The following MTA3 variants were observed in gnomAD, a reference collection of about 807,000 sequenced individuals.
MTA3 encodes metastasis associated 1 family member 3.
A neutral mutation model predicts 83.5 loss-of-function variants in MTA3; 34 were observed. That is an observed-to-expected ratio of 0.41 (90% CI 0.31 to 0.54). MTA3 has a LOEUF of 0.54. Ranked by LOEUF, MTA3 falls within the 20% of genes least tolerant of loss-of-function variation. The pLI, the probability that MTA3 is intolerant of heterozygous loss-of-function variation, is 0.33. For missense variants in MTA3, 761 were observed against 726.4 expected (o/e 1.05, Z -0.55); for synonymous variants, 303 against 252.7 (o/e 1.20, Z -1.89).
At chr2:42,750,388 G>A (rs116793170) in intron 16 of MTA3, among the ~76,000 whole-genome samples, 1 of 141,250 alleles carries the variant, frequency 7.1e-6, no homozygotes, top group Non-Finnish European at 1.5e-5. Context: ...TCTAACACCT[G>A]CTGTTAGAGG....
intron 8 of MTA3, among the ~76,000 whole-genome samples, chr2:42,663,484 A>G (rs556305466): frequency 6.6e-6 from 1 of 152,334 alleles, no homozygotes; most frequent in Middle Eastern, 3.4e-3. Flanking sequence ...TTTATGGCCA[A>G]GTACACTGGC....
At chr2:42,577,105 A>AAAAAAAAAAAAAATATATATATATAT (rs1211189566) in intron 2 of MTA3, among the ~76,000 whole-genome samples, 1 of 86,952 alleles carries the variant, frequency 1.2e-5, no homozygotes, top group African/African-American at 5.5e-5. Flanking sequence ...AAAAAAAAAA[A>AAAAAAAAAAAAAATATATATATATAT]ATATATATAT....
chr2:42,502,326 A>C (rs1489860486), intron 2 of MTA3, among the ~76,000 whole-genome samples: 1 of 152,206 alleles, frequency 6.6e-6, no homozygotes, highest in Non-Finnish European at 1.5e-5. Flanking sequence ...AAAGAATGGC[A>C]GTCTGAGTTC....
chr2:42,705,055 A>G (rs1665945723), intron 12 of MTA3, among the ~76,000 whole-genome samples: 4 of 152,276 alleles, frequency 2.6e-5, no homozygotes, highest in Admixed American at 2.6e-4. Flanking sequence ...TTGGTGCCCC[A>G]TTTTGGGTTC....
chr2:42,669,472 T>C (rs149676950), intron 8 of MTA3, among the ~76,000 whole-genome samples: 1,805 of 152,272 alleles, frequency 0.012, 27 homozygotes, highest in African/African-American at 0.036. Flanking sequence ...TTGATGGGGA[T>C]TCGTATAACT....
At chr2:42,720,142 A>G (rs2104535893) in intron 15 of MTA3, among the ~76,000 whole-genome samples, 1 of 150,062 alleles carries the variant, frequency 6.7e-6, no homozygotes, top group South Asian at 2.1e-4. Flanking sequence ...TTACTGTACT[A>G]CCTTATTCCT....
At position 42,504,726 on chromosome 2, in the gene MTA3, G is replaced by T. The variant is rs187653712; in HGVS notation, c.-141+9472G>T. 7.9e-5 allele frequency among the ~76,000 whole-genome samples: 12 copies of T among 151,114 alleles called. No homozygotes were observed. The South Asian group carries it at 2.5e-3, about 32-fold the overall frequency. On this transcript the variant is annotated intron_variant, in intron 2 of 17. Transcript: ENST00000405592. ...TGCCCAGGCTGGTCTTGAACTCCCG[G>T]GTTCAAGCAGTTCTCCCACCTCATC...
At chr2:42,688,120 A>C (rs1443341534) in intron 9 of MTA3, among the ~76,000 whole-genome samples, 2 of 152,132 alleles carry the variant, frequency 1.3e-5, no homozygotes, top group Admixed American at 1.3e-4. Flanking sequence ...GGACCACTAA[A>C]ACAGGTGTGG....
At chr2:42,527,082 C>G (rs1303925970) in intron 2 of MTA3, among the ~76,000 whole-genome samples, 1 of 139,860 alleles carries the variant, frequency 7.2e-6, no homozygotes, top group African/African-American at 2.7e-5. Context: ...AAAAAAGAGC[C>G]AAGCAGCCAT....
chr2:42,671,773 C>T (rs969719791), intron 8 of MTA3, among the ~76,000 whole-genome samples: 2 of 152,106 alleles, frequency 1.3e-5, no homozygotes, highest in Admixed American at 6.6e-5. Flanking sequence ...TGTGTGCTAC[C>T]AATTGTTTCC....
chr2:42,683,795 G>A (rs1692142972), intron 9 of MTA3, among the ~76,000 whole-genome samples: 1 of 152,130 alleles, frequency 6.6e-6, no homozygotes. Context: ...GGAGTAATGG[G>A]GAGTGGCTGT....
intron 3 of MTA3, among the ~76,000 whole-genome samples, chr2:42,582,737 G>A (rs958432714): frequency 6.6e-6 from 1 of 152,168 alleles, no homozygotes. Flanking sequence ...CAGCATCTTG[G>A]TCTTGTCTAT....
intron 8 of MTA3, among the ~76,000 whole-genome samples, chr2:42,669,452 G>A (rs1055328035): frequency 1.3e-5 from 2 of 152,062 alleles, no homozygotes; most frequent in African/African-American, 4.8e-5. Flanking sequence ...ACTTCAAAAT[G>A]GACATAAAAT....
rs76682576 is a variant in MTA3 at position 42,690,118 on chromosome 2, T to G, written c.892-5647T>G. Reference sequence around the variant, plus strand: ...AGCATGCTATGACCATGCCTGTGAATGAATAGCTACTGCACTCCAGCCTGG... The same window carrying G: ...AGCATGCTATGACCATGCCTGTGAAGGAATAGCTACTGCACTCCAGCCTGG... On this transcript the variant is annotated intron_variant, in intron 9 of 16. Coordinates refer to ENST00000405094, the MANE Select transcript of MTA3 (RefSeq NM_001330442.2). Among the ~76,000 whole-genome samples, 12 of 152,250 alleles carry G rather than the reference T, an allele frequency of 7.9e-5. No individual in the cohort carries two copies. The East Asian group carries it at 2.3e-3, about 29-fold the overall frequency.
chr2:42,592,572 A>G (rs565099643), intron 3 of MTA3, among the ~76,000 whole-genome samples: 2 of 152,308 alleles, frequency 1.3e-5, no homozygotes, highest in East Asian at 3.9e-4. Context: ...GTACAGATGG[A>G]GACCCTGTCT....
chr2:42,614,570 C>T (rs1397649760), intron 4 of MTA3, among the ~76,000 whole-genome samples: 5 of 152,152 alleles, frequency 3.3e-5, no homozygotes, highest in Admixed American at 3.3e-4. Flanking sequence ...ATCTCTAAAC[C>T]TACCCTTCCA....
intron 3 of MTA3, among the ~76,000 whole-genome samples, chr2:42,593,281 C>T (rs1007554137): frequency 5.3e-5 from 8 of 151,516 alleles, no homozygotes; most frequent in South Asian, 2.1e-4. Flanking sequence ...GAGGTTAGGA[C>T]ATTGAGACCA....
chr2:42,506,328 C>T (rs1348166979), intron 2 of MTA3, among the ~76,000 whole-genome samples: 1 of 151,794 alleles, frequency 6.6e-6, no homozygotes, highest in East Asian at 1.9e-4. Context: ...GTACTCTATG[C>T]CTGTGATCCC....
At chr2:42,630,623 G>A (rs932805200) in intron 4 of MTA3, among the ~76,000 whole-genome samples, 2 of 151,964 alleles carry the variant, frequency 1.3e-5, no homozygotes, top group African/African-American at 4.8e-5. Flanking sequence ...TGGCTGTGTT[G>A]TATATCTAAT....
Sources: allele counts gnomAD v4.1 joint callset (sites outside exome capture counted in the v4.1 genomes callset), GRCh38; gene constraint gnomAD v4.1.1; transcripts MANE v1.5; gene names NCBI Gene and HGNC (gene_info 2026-07-23, HGNC 2026-07-21).